YTHDC1: variants seen among roughly 807,000 people sequenced by gnomAD.
YTHDC1 encodes the protein YTH domain-containing protein 1.
In YTHDC1, 12 loss-of-function variants were observed where a neutral mutation model predicts 107.0. The ratio of observed to expected loss-of-function variants is 0.11; its 90% CI spans 0.07 to 0.18. The LOEUF (loss-of-function observed/expected upper bound fraction) is 0.18, where lower values mean the gene tolerates loss of function less well. YTHDC1 is among the 10% of genes least tolerant of loss of function. The probability of loss-of-function intolerance (pLI) is 1.00; values close to 1 mark genes in which losing one functional copy is unlikely to be tolerated. For missense variants in YTHDC1, 635 were observed against 898.8 expected, an observed-to-expected ratio of 0.71 and a Z score of 3.75; for synonymous variants, 280 against 289.5, an observed-to-expected ratio of 0.97 and a Z score of 0.33.
intron 3 of YTHDC1, 28 bp downstream of exon 3, chr4:68,337,544 G>T: frequency 6.3e-7 from 1 of 1,585,950 alleles, no homozygotes; most frequent in Non-Finnish European, 8.5e-7. Context: ...ATGGCTTTCT[G>T]TTTTATATCT....
rs1329771244 is a variant in YTHDC1 at position 68,312,001 on chromosome 4, G to C, written c.*2098C>G. On this transcript the variant is annotated 3_prime_UTR_variant, in exon 17 of 17. Transcript: ENST00000344157. Reference sequence around the variant, plus strand: ...ATCTCTACTAAAATTACAAAAATTAGCGGGGTGTGGTGGTGGGTGCCTGTA... The same window carrying C: ...ATCTCTACTAAAATTACAAAAATTACCGGGGTGTGGTGGTGGGTGCCTGTA... The C allele has an allele frequency of 6.6e-6, 1 of 152,166 alleles. No homozygotes were observed. Among genetic ancestry groups the C allele is most frequent in the East Asian group, 1.9e-4 (1 of 5,184 alleles). 9.4% of individuals were successfully genotyped at this position (152,166 alleles called of 1,614,324 possible).
intron 7 of YTHDC1, among the ~76,000 whole-genome samples, chr4:68,331,785 A>G (rs890715423): frequency 1.3e-5 from 2 of 152,118 alleles, no homozygotes; most frequent in African/African-American, 2.4e-5. Flanking sequence ...TAGAAGTGTT[A>G]GCACAATAAA....
At chr4:68,316,133 T>G in intron 16 of YTHDC1, 181 bp downstream of exon 16, 2 of 633,214 alleles carry the variant, frequency 3.2e-6, no homozygotes, top group South Asian at 3.3e-5. Context: ...ATATATTCTA[T>G]CTATATAATC....
In YTHDC1 at chr4:68,316,361, C is replaced by T. The variant is rs1387241271; in HGVS notation, c.1912G>A (p.Gly638Arg). The part of the protein sequence containing the change: ...PPPQAHPPYS[G>R]HHPVPHEARY... ...GCTTCATGTGGTACTGGATGATGTC[C>T]TGAGTAAGGGGGATGAGCTTGAGGA... The change falls in exon 16 of 17, where the codon GGA (glycine) becomes AGA (arginine). Residue 638 changes from glycine (G) to arginine (R), a missense_variant. By Grantham distance (125) the Gly-to-Arg change is moderately radical (BLOSUM62 -2). This residue lies in a region of YTHDC1 where 256 missense variants were observed against 372.9 expected (regional missense o/e 0.69). Transcript: ENST00000344157. 6.2e-7 allele frequency: 1 copy of T among 1,613,920 alleles called. No individual in the cohort carries two copies.
chr4:68,320,005 G>A (rs1479775372), intron 12 of YTHDC1, 118 bp downstream of exon 12: 6 of 793,306 alleles, frequency 7.6e-6, no homozygotes, highest in Non-Finnish European at 1.2e-5. Flanking sequence ...GATTTAAGTA[G>A]TCAGGTCCTG....
chr4:68,346,095 A>ATG (rs1256641349), intron 1 of YTHDC1, among the ~76,000 whole-genome samples: 49 of 139,620 alleles, frequency 3.5e-4, no homozygotes, highest in African/African-American at 1.3e-3. Flanking sequence ...ATATATATAT[A>ATG]TATATACACA....
rs1722531598 is a variant in YTHDC1, at chr4:68,322,383, G to T, written c.1601+366C>A. ...CCTGAAAGAAAAGGCTTTTTAAAAA[G>T]TATTAACAATTTTTGCAAATAAAGA... On this transcript the variant is annotated intron_variant, in intron 11 of 16. Coordinates refer to ENST00000344157, the MANE Select transcript of YTHDC1 (RefSeq NM_001031732.4). This position sits in a 1 kb window ranked among gnomAD's most constrained non-coding sequence, Gnocchi z 4.8. 5.4e-6 allele frequency: 1 copy of T among 184,498 alleles called. No individual in the cohort carries two copies. Among genetic ancestry groups the T allele is most frequent in the Non-Finnish European group, 1.1e-5 (1 of 90,142 alleles). 11.4% of individuals were successfully genotyped at this position (184,498 alleles called of 1,614,324 possible). A position where few individuals can be genotyped will look rare whatever the true frequency, so the allele number is the denominator to read the frequency against.
chr4:68,326,246 T>C (rs1722979319), intron 9 of YTHDC1, among the ~76,000 whole-genome samples: 1 of 152,138 alleles, frequency 6.6e-6, no homozygotes, highest in South Asian at 2.1e-4. Flanking sequence ...GATTCTTTGG[T>C]GGCACTGGTT....
In YTHDC1 at chr4:68,310,787, C is replaced by T. The variant is rs1302267019; in HGVS notation, c.*3312G>A. On this transcript the variant is annotated 3_prime_UTR_variant, in exon 17 of 17. Transcript: ENST00000344157. The stretch of plus-strand genomic sequence containing the variant: ...TCTAGCTTGGTCAGTTAACTGCTGG[C>T]AACAGTTCCTTCTTCAATTCCATGC... 6.6e-6 allele frequency: 1 copy of T among 152,186 alleles called. No individual in the cohort carries two copies. The highest frequency in any genetic ancestry group is 1.5e-5 in the Non-Finnish European group (1 of 68,034). 9.4% of individuals were successfully genotyped at this position (152,186 alleles called of 1,614,324 possible).
chr4:68,346,055 G>T (rs566879755), intron 1 of YTHDC1, among the ~76,000 whole-genome samples: 1 of 144,592 alleles, frequency 6.9e-6, no homozygotes. Flanking sequence ...GTGTGCATGT[G>T]TGTGCACATG....
chr4:68,331,203 T>G (rs1425739125), intron 7 of YTHDC1, among the ~76,000 whole-genome samples: 1 of 152,220 alleles, frequency 6.6e-6, no homozygotes, highest in Non-Finnish European at 1.5e-5. Context: ...TTGTATTTTC[T>G]GTTTTATTAT....
chr4:68,310,972 A>C lies in YTHDC1; in HGVS notation c.*3127T>G, dbSNP rs1721264372. On this transcript the variant is annotated 3_prime_UTR_variant, in exon 17 of 17. Coordinates refer to ENST00000344157, the MANE Select transcript of YTHDC1 (RefSeq NM_001031732.4). ...GAAAAGTCAAACATTCAGGTGTTAT[A>C]ACTTGTATGAGATCCTGATTTAATG... The C allele has an allele frequency of 6.6e-6, 1 of 152,192 alleles. No individual in the cohort carries two copies. Among genetic ancestry groups the C allele is most frequent in the South Asian group, 2.1e-4 (1 of 4,828 alleles). The allele number at this position is 152,192 out of a possible 1,614,324, so 9.4% of individuals were successfully genotyped here.
At chr4:68,327,321 C>G (rs547814121) in intron 9 of YTHDC1, among the ~76,000 whole-genome samples, 2 of 152,224 alleles carry the variant, frequency 1.3e-5, no homozygotes, top group East Asian at 3.9e-4. Context: ...AATATAACAC[C>G]TAGTCAGTAA....
At chr4:68,319,830 A>G (rs1345299280) in intron 12 of YTHDC1, among the ~76,000 whole-genome samples, 1 of 152,158 alleles carries the variant, frequency 6.6e-6, no homozygotes. Context: ...TGCTTTTCAT[A>G]ACTACTTTTA....
At position 68,333,396 on chromosome 4, in the gene YTHDC1, A is replaced by G; in HGVS notation, c.885T>C (p.Asp295=). 1.9e-6 allele frequency: 3 copies of G among 1,597,382 alleles called. No homozygotes were observed. The highest frequency in any genetic ancestry group is 2.6e-6 in the Non-Finnish European group (3 of 1,172,138). ...CTCTCTTCCTTTCCTTCTTTTTCTC[A>G]TCTAAAAAGAACAAGAGTTTTTTTT... The part of the protein sequence containing the change: ...VRSGSGTDGS[D]EKKKERKRAR... Residue 295 remains aspartate (D), a splice_region_variant and synonymous_variant, in exon 5 of 17, where the codon GAT becomes GAC. Coordinates refer to ENST00000344157, the MANE Select transcript of YTHDC1 (RefSeq NM_001031732.4).
Position 68,314,065 on chromosome 4 carries a change from GTA to G in YTHDC1, c.*32_*33del. The G allele has an allele frequency of 6.3e-7, 1 of 1,576,580 alleles. No individual in the cohort carries two copies. The highest frequency in any genetic ancestry group is 8.6e-7 in the Non-Finnish European group (1 of 1,160,448). On this transcript the variant is annotated 3_prime_UTR_variant, in exon 17 of 17. Transcript: ENST00000344157. ...ACAAAAAAAAAATACAAGATTTTTT[GTA>G]TCTTTAAACAATCAGTGCTTCCAAA...
At chr4:68,344,393 C>T (rs1369501172) in intron 1 of YTHDC1, among the ~76,000 whole-genome samples, 1 of 151,710 alleles carries the variant, frequency 6.6e-6, no homozygotes, top group Non-Finnish European at 1.5e-5. Flanking sequence ...TTTAGTATAC[C>T]GTATATAATA....
chr4:68,315,057 T>C (rs1721678001), intron 16 of YTHDC1, among the ~76,000 whole-genome samples: 1 of 152,176 alleles, frequency 6.6e-6, no homozygotes, highest in African/African-American at 2.4e-5. Context: ...ATAGAACTTG[T>C]TAAAAAGGAT....
intron 4 of YTHDC1, among the ~76,000 whole-genome samples, chr4:68,335,750 A>T (rs1394242289): frequency 6.6e-6 from 1 of 151,928 alleles, no homozygotes; most frequent in Admixed American, 6.6e-5. Flanking sequence ...AATTATAAAA[A>T]ATATATCCTA....
Sources: allele counts gnomAD v4.1 joint callset (sites outside exome capture counted in the v4.1 genomes callset), GRCh38; gene constraint gnomAD v4.1.1; regional missense constraint gnomAD v4.1.1; non-coding constraint Gnocchi (gnomAD v3.1); transcripts MANE v1.5; gene names NCBI Gene and HGNC (gene_info 2026-07-23, HGNC 2026-07-21).